The following DRC9 variants were observed in gnomAD, a reference collection of about 807,000 sequenced individuals.
DRC9 encodes dynein regulatory complex protein 9.
At chr3:197,903,993 T>A in the DRC9 span, among the ~76,000 whole-genome samples, 10 of 104,956 alleles carry the variant, frequency 9.5e-5, no homozygotes, top group East Asian at 2.0e-3. Flanking sequence ...CACACACACA[T>A]ATATATATAC....
At chr3:197,890,949 C>T in the DRC9 span, among the ~76,000 whole-genome samples, 1 of 152,192 alleles carries the variant, frequency 6.6e-6, no homozygotes, top group Non-Finnish European at 1.5e-5. Context: ...GAGTATTTCA[C>T]GTGATCTGTG....
chr3:197,950,578 C>G, the DRC9 span: 1 of 345,182 alleles, frequency 2.9e-6, no homozygotes, highest in East Asian at 5.7e-5. Context: ...TTTTCTCCCC[C>G]AGCCATTGCA....
chr3:197,898,179 G>T, the DRC9 span, among the ~76,000 whole-genome samples: 1 of 152,056 alleles, frequency 6.6e-6, no homozygotes, highest in South Asian at 2.1e-4. Context: ...GGAAGCCTAC[G>T]CTCTTCCCTC....
the DRC9 span, chr3:197,938,657 T>C: frequency 6.2e-7 from 1 of 1,614,200 alleles, no homozygotes; most frequent in Non-Finnish European, 8.5e-7. Context: ...AACCGGCCTC[T>C]GTGTCTGATT....
chr3:197,926,221 G>A, the DRC9 span: 1 of 650,702 alleles, frequency 1.5e-6, no homozygotes, highest in Non-Finnish European at 2.8e-6. Context: ...CAGAGAATCT[G>A]ACTCAGCAGG....
the DRC9 span, chr3:197,913,776 G>T: frequency 8.5e-7 from 1 of 1,181,672 alleles, no homozygotes; most frequent in Non-Finnish European, 1.3e-6. Context: ...TGCCGATAGA[G>T]ATGGAGGGAA....
the DRC9 span, among the ~76,000 whole-genome samples, chr3:197,931,630 T>C: frequency 6.6e-6 from 1 of 151,978 alleles, no homozygotes; most frequent in Non-Finnish European, 1.5e-5. Context: ...TTTTTTGAGA[T>C]GGAGTCTTGC....
the DRC9 span, among the ~76,000 whole-genome samples, chr3:197,915,567 G>A: frequency 6.6e-6 from 1 of 152,154 alleles, no homozygotes; most frequent in Non-Finnish European, 1.5e-5. Context: ...ACAAGCACAC[G>A]ACTAGCAACA....
the DRC9 span, chr3:197,959,916 G>GT: frequency 2.3e-6 from 1 of 435,532 alleles, no homozygotes; most frequent in Non-Finnish European, 4.2e-6. Context: ...CTGGCACCTA[G>GT]TAGGTGCATG....
chr3:197,960,165 T>G, the DRC9 span: 1 of 1,472,038 alleles, frequency 6.8e-7, no homozygotes, highest in Admixed American at 2.0e-5. Flanking sequence ...GGGCCCTCCG[T>G]CTACCCCCAG....
the DRC9 span, among the ~76,000 whole-genome samples, chr3:197,902,186 A>G: frequency 6.6e-6 from 1 of 152,214 alleles, no homozygotes; most frequent in Non-Finnish European, 1.5e-5. Flanking sequence ...CTAATGAGGT[A>G]CGGCTTAGAC....
At chr3:197,952,219 G>C in the DRC9 span, among the ~76,000 whole-genome samples, 5 of 133,934 alleles carry the variant, frequency 3.7e-5, no homozygotes, top group African/African-American at 1.5e-4. Flanking sequence ...ACCTAGGCTG[G>C]AGTGCAGTAG....
chr3:197,892,871 A>C, the DRC9 span: 1 of 1,359,482 alleles, frequency 7.4e-7, no homozygotes, highest in Non-Finnish European at 1.0e-6. Flanking sequence ...ATAGTGAGAG[A>C]AGGCAGAACA....
chr3:197,930,642 C>T, the DRC9 span, among the ~76,000 whole-genome samples: 1 of 151,236 alleles, frequency 6.6e-6, no homozygotes, highest in African/African-American at 2.4e-5. Flanking sequence ...CGGGAGGCTA[C>T]TCACTTGAGC....
chr3:197,947,750 T>C, the DRC9 span, among the ~76,000 whole-genome samples: 5 of 151,998 alleles, frequency 3.3e-5, no homozygotes, highest in Admixed American at 2.6e-4. Flanking sequence ...AGATCAGACA[T>C]TTATTCTCCC....
chr3:197,930,065 T>C, the DRC9 span, among the ~76,000 whole-genome samples: 2 of 151,638 alleles, frequency 1.3e-5, no homozygotes, highest in Non-Finnish European at 2.9e-5. Context: ...CTTAGAAATA[T>C]ATGAGAAGGC....
At chr3:197,902,297 C>A in the DRC9 span, among the ~76,000 whole-genome samples, 3 of 152,176 alleles carry the variant, frequency 2.0e-5, no homozygotes, top group African/African-American at 7.2e-5. Context: ...CGTAATTCGT[C>A]AATGCCCATA....
At chr3:197,955,658 AGCCTTTCAGAGATTTATCCGTATTAC>A in the DRC9 span, 1 of 1,115,716 alleles carries the variant, frequency 9.0e-7, no homozygotes, top group East Asian at 2.3e-5. Flanking sequence ...TGTAATTGGT[AGCCTTTCAGAGATTTATCCGTATTAC>A]GGTTCTTGAT....
At chr3:197,955,791 A>C in the DRC9 span, 30 of 1,590,138 alleles carry the variant, frequency 1.9e-5, no homozygotes, top group African/African-American at 5.4e-5. Flanking sequence ...AAAAATCAAT[A>C]AATAAATGTG....
Sources: allele counts gnomAD v4.1 joint callset (sites outside exome capture counted in the v4.1 genomes callset), GRCh38; gene constraint gnomAD v4.1.1; transcripts MANE v1.5; gene names NCBI Gene and HGNC (gene_info 2026-07-23, HGNC 2026-07-21).